The following SCRN3 variants were observed in gnomAD, a reference collection of about 807,000 sequenced individuals.
SCRN3 encodes secernin-3.
A neutral mutation model predicts 43.1 loss-of-function variants in SCRN3; 39 were observed. The observed-to-expected ratio is 0.91, with a 90% CI of 0.70 to 1.18. The LOEUF (loss-of-function observed/expected upper bound fraction) is 1.18. SCRN3 is among the 50% of genes most tolerant of loss of function. The probability of loss-of-function intolerance (pLI) is 0.00; values close to 1 mark genes in which losing one functional copy is unlikely to be tolerated. For missense variants in SCRN3, 484 were observed against 498.0 expected (o/e 0.97, Z 0.27); for synonymous variants, 147 against 163.1 (o/e 0.90, Z 0.75).
chr2:174,414,180 G>A (rs1436847483), intron 5 of SCRN3, among the ~76,000 whole-genome samples: 1 of 152,086 alleles, frequency 6.6e-6, no homozygotes, highest in Non-Finnish European at 1.5e-5. Flanking sequence ...CCTGATAGGA[G>A]CTCACTTAGC....
At chr2:174,422,438 G>T (rs1686323519) in intron 5 of SCRN3, among the ~76,000 whole-genome samples, 1 of 152,220 alleles carries the variant, frequency 6.6e-6, no homozygotes, top group Non-Finnish European at 1.5e-5. Context: ...GTTGGGCATG[G>T]TGACATGCGA....
At chr2:174,403,146 G>A (rs1041914289) in intron 4 of SCRN3, among the ~76,000 whole-genome samples, 4 of 151,516 alleles carry the variant, frequency 2.6e-5, no homozygotes, top group Non-Finnish European at 4.4e-5. Flanking sequence ...TTCACCCAAA[G>A]GGATATACAG....
intron 5 of SCRN3, 42 bp from the exon 6 acceptor site, chr2:174,422,843 A>C: frequency 4.4e-5 from 55 of 1,242,594 alleles, no homozygotes; most frequent in Middle Eastern, 2.0e-4. Flanking sequence ...AGGCATCCGT[A>C]TATGCATATG....
chr2:174,396,160 G>A, intron 1 of SCRN3: 1 of 850,406 alleles, frequency 1.2e-6, no homozygotes, highest in Non-Finnish European at 1.5e-6. Flanking sequence ...GCTGAACTAA[G>A]AGCGCGTGAA....
At chr2:174,429,931 C>A (rs1268825245), downstream of SCRN3, among the ~76,000 whole-genome samples, 1 of 152,116 alleles carries the variant, frequency 6.6e-6, no homozygotes, top group Non-Finnish European at 1.5e-5. Context: ...ATTTAAGGTT[C>A]CTGCATGTCT....
chr2:174,424,999 A>G (rs962807790), intron 7 of SCRN3, among the ~76,000 whole-genome samples: 46 of 152,172 alleles, frequency 3.0e-4, no homozygotes, highest in African/African-American at 1.1e-3. Flanking sequence ...TGAGTCTAGG[A>G]GAGTTTGAGT....
Position 174,398,369 on chromosome 2 carries a change from G to C in SCRN3, c.86G>C (p.Arg29Thr). The change falls in exon 2 of 8, where the codon AGA (arginine) becomes ACA (threonine). Residue 29 changes from arginine (R) to threonine (T), a missense_variant. By Grantham distance (71) the Arg-to-Thr change is moderately conservative. Coordinates refer to ENST00000272732, the MANE Select transcript of SCRN3 (RefSeq NM_024583.5). ...ATTATTTTTGGAAAAAATTCAGATAGACTCTATGATGAAGTACAAGAGGTG... is the reference window on the plus strand; with the variant it reads ...ATTATTTTTGGAAAAAATTCAGATACACTCTATGATGAAGTACAAGAGGTG... ...NRIIFGKNSD[R>T]LYDEVQEVVY... The C allele has an allele frequency of 6.2e-7, 1 of 1,609,440 alleles. No homozygotes were observed. The highest frequency in any genetic ancestry group is 8.5e-7 in the Non-Finnish European group (1 of 1,178,322).
At chr2:174,419,420 C>T (rs1305995693) in intron 5 of SCRN3, among the ~76,000 whole-genome samples, 1 of 152,196 alleles carries the variant, frequency 6.6e-6, no homozygotes, top group Non-Finnish European at 1.5e-5. Flanking sequence ...TGCACTGTCG[C>T]CCAGGCTGGA....
intron 5 of SCRN3, among the ~76,000 whole-genome samples, chr2:174,420,954 G>A (rs1686273368): frequency 6.6e-6 from 1 of 152,054 alleles, no homozygotes; most frequent in Non-Finnish European, 1.5e-5. Flanking sequence ...AAGTCATCAA[G>A]CAACAGCCTC....
chr2:174,401,109 A>T lies in SCRN3; in HGVS notation c.461A>T (p.Asn154Ile). The change falls in exon 4 of 8, where the codon AAC (asparagine) becomes ATC (isoleucine). Residue 154 changes from asparagine (N) to isoleucine (I), a missense_variant. Transcript: ENST00000272732. ...GGTAGAATGGTATTTAGCTATCACAACAGTTTCCTGATAGCTGATAGGAAT... is the reference window on the plus strand; with the variant it reads ...GGTAGAATGGTATTTAGCTATCACATCAGTTTCCTGATAGCTGATAGGAAT... ...TEGRMVFSYH[N>I]SFLIADRNEA... 6.2e-7 allele frequency: 1 copy of T among 1,613,972 alleles called. No homozygotes were observed. The highest frequency in any genetic ancestry group is 8.5e-7 in the Non-Finnish European group (1 of 1,179,934).
chr2:174,400,071 T>C lies in SCRN3; in HGVS notation c.309T>C (p.Asp103=). Residue 103 remains aspartate, a synonymous_variant, in exon 3 of 8, where the codon GAT becomes GAC. Transcript: ENST00000272732. ...TATGGGGAAGAGAAGAAGTTTGTGA[T>C]GAAGAAGCACTATTAGGAATGGACC... ...EAVWGREEVC[D]EEALLGMDLV... The C allele has an allele frequency of 1.9e-6, 3 of 1,589,964 alleles. No homozygotes were observed. Among genetic ancestry groups the C allele is most frequent in the African/African-American group, 1.4e-5 (1 of 72,994 alleles).
At chr2:174,426,555 T>C (rs996274121) in intron 7 of SCRN3, among the ~76,000 whole-genome samples, 1 of 152,062 alleles carries the variant, frequency 6.6e-6, no homozygotes, top group African/African-American at 2.4e-5. Flanking sequence ...GTAGATCAAC[T>C]TAGGTCAGGA....
At chr2:174,398,141 TA>T in intron 1 of SCRN3, 133 bp from the exon 2 acceptor site, 2 of 556,558 alleles carry the variant, frequency 3.6e-6, no homozygotes, top group Admixed American at 4.2e-5. Context: ...AAAATAAAAA[TA>T]AAAAAATCAA....
At chr2:174,400,234 A>G (rs1685459959) in intron 3 of SCRN3, 131 bp downstream of exon 3, 1 of 609,812 alleles carries the variant, frequency 1.6e-6, no homozygotes, top group South Asian at 2.7e-5. Flanking sequence ...AATGGTTTAA[A>G]GTACCGGCAT....
chr2:174,417,327 G>A (rs1413535738), intron 5 of SCRN3, among the ~76,000 whole-genome samples: 1 of 152,140 alleles, frequency 6.6e-6, no homozygotes, highest in Non-Finnish European at 1.5e-5. Flanking sequence ...AGCTGTTGCA[G>A]CAACACCTAC....
intron 4 of SCRN3, among the ~76,000 whole-genome samples, chr2:174,403,177 G>C (rs1185269607): frequency 6.6e-6 from 1 of 151,744 alleles, no homozygotes; most frequent in Non-Finnish European, 1.5e-5. Flanking sequence ...AGCATGAAAT[G>C]ATGTTCAACA....
chr2:174,404,415 A>C, intron 5 of SCRN3, 100 bp downstream of exon 5: 2 of 755,220 alleles, frequency 2.6e-6, no homozygotes, highest in Non-Finnish European at 4.1e-6. Flanking sequence ...ATAATTAGTA[A>C]AAATATTGTT....
intron 5 of SCRN3, among the ~76,000 whole-genome samples, chr2:174,409,798 A>G: frequency 7.0e-6 from 1 of 143,034 alleles, no homozygotes; most frequent in Non-Finnish European, 1.6e-5. Flanking sequence ...GACCCACTTG[A>G]GCAGGCAGTC....
intron 5 of SCRN3, among the ~76,000 whole-genome samples, chr2:174,409,753 C>G (rs1243955450): frequency 6.9e-6 from 1 of 144,432 alleles, no homozygotes; most frequent in Middle Eastern, 3.4e-3. Context: ...TGGGAGGTGC[C>G]TCCCAGTTAG....
Sources: gnomAD v4.1 joint callset for allele counts (sites outside exome capture counted in the v4.1 genomes callset) on GRCh38, gnomAD v4.1.1 for gene constraint, MANE v1.5 for transcripts, NCBI Gene and HGNC (gene_info 2026-07-23, HGNC 2026-07-21) for gene names.